Variants in GGNBP2 observed in about 807,000 individuals in gnomAD.
The protein encoded by GGNBP2 is gametogenetin binding protein 2, also known as gametogenetin-binding protein 2.
GGNBP2 carries 10 observed loss-of-function variants against 85.9 expected under a neutral mutation model. The ratio of observed to expected loss-of-function variants is 0.12; its 90% CI spans 0.07 to 0.20. The LOEUF (loss-of-function observed/expected upper bound fraction) is 0.20, where lower values mean the gene tolerates loss of function less well. GGNBP2 is among the 10% of genes least tolerant of loss of function. GGNBP2 has a pLI of 1.00. For synonymous variants in GGNBP2, 287 were observed against 285.7 expected, an observed-to-expected ratio of 1.00 and a Z score of -0.05; for missense variants, 595 against 857.8, an observed-to-expected ratio of 0.69 and a Z score of 3.83.
At chr17:36,562,502 G>A (rs2074427212) in intron 5 of GGNBP2, among the ~76,000 whole-genome samples, 1 of 150,078 alleles carries the variant, frequency 6.7e-6, no homozygotes, top group Admixed American at 6.7e-5. Flanking sequence ...TCTCATTTGT[G>A]TCATTGTCAC....
intron 12 of GGNBP2, chr17:36,586,700 C>T: frequency 3.1e-6 from 1 of 325,912 alleles, no homozygotes; most frequent in Non-Finnish European, 5.8e-6. Flanking sequence ...CTCACTGCAA[C>T]CTCTGCCTCC....
chr17:36,576,842 T>C (rs2074596556), intron 6 of GGNBP2: 1 of 151,920 alleles, frequency 6.6e-6, no homozygotes, highest in African/African-American at 2.4e-5. Flanking sequence ...TCTGAATGGC[T>C]GTGAATGGCA....
chr17:36,555,920 C>T lies in GGNBP2; in HGVS notation c.174+1020C>T, dbSNP rs181976130. Reference sequence around the variant, plus strand: ...GTTGGTTAAATTCACAGATGTAGAACCCATGGATATGGAGGGCTGACTGTA... The same window carrying T: ...GTTGGTTAAATTCACAGATGTAGAATCCATGGATATGGAGGGCTGACTGTA... On this transcript the variant is annotated intron_variant, in intron 3 of 13. Coordinates refer to ENST00000613102, the MANE Select transcript of GGNBP2 (RefSeq NM_024835.5). Among the ~76,000 whole-genome samples, 30 of 152,250 alleles carry T rather than the reference C, an allele frequency of 2.0e-4. 1 individual carries two copies. The highest frequency in any genetic ancestry group is 1.8e-3 in the Admixed American group (28 of 15,282).
rs769061074 is a variant in GGNBP2, at chr17:36,589,683, A to C, written c.*272A>C. On this transcript the variant is annotated 3_prime_UTR_variant, in exon 14 of 14. Coordinates refer to ENST00000613102, the MANE Select transcript of GGNBP2 (RefSeq NM_024835.5). ...CCTGTGAGACTTACTAAAGCAACTTAGTGGCAAAAAGTAATGTTGTACTTA... is the reference window on the plus strand; with the variant it reads ...CCTGTGAGACTTACTAAAGCAACTTCGTGGCAAAAAGTAATGTTGTACTTA... 23 of 459,902 alleles carry C rather than the reference A, an allele frequency of 5.0e-5. No homozygotes were observed. The highest frequency in any genetic ancestry group is 2.3e-4 in the Admixed American group (6 of 25,824). The allele number at this position is 459,902 out of a possible 1,614,324, so 28.5% of individuals were successfully genotyped here.
intron 6 of GGNBP2, chr17:36,574,850 G>A: frequency 1.4e-6 from 1 of 702,670 alleles, no homozygotes. Context: ...TCTGTGCACA[G>A]GGACAATAGA....
chr17:36,558,414 CAAAAAAAAAAAA>C (rs755597241), intron 4 of GGNBP2, among the ~76,000 whole-genome samples: 1 of 18,966 alleles, frequency 5.3e-5, no homozygotes, highest in Non-Finnish European at 9.8e-5. Flanking sequence ...AGCTCCATCT[CAAAAAAAAAAAA>C]AAAAAAAAAA....
intron 6 of GGNBP2, chr17:36,577,068 C>T (rs2074598651): frequency 6.6e-6 from 1 of 152,140 alleles, no homozygotes; most frequent in South Asian, 2.1e-4. Context: ...CATAGATGAG[C>T]TCATCTGGGA....
chr17:36,545,389 C>G (rs980000437), intron 1 of GGNBP2: 5 of 237,684 alleles, frequency 2.1e-5, no homozygotes, highest in Non-Finnish European at 2.8e-5. Context: ...CCTTTGGACC[C>G]TGACTGGAGG....
intron 3 of GGNBP2, among the ~76,000 whole-genome samples, chr17:36,556,365 CAT>C: frequency 6.6e-6 from 1 of 152,118 alleles, no homozygotes; most frequent in East Asian, 1.9e-4. Context: ...TGTAGCTAAA[CAT>C]AGTGATAGTA....
At chr17:36,565,284 T>A (rs2074456894) in intron 5 of GGNBP2, among the ~76,000 whole-genome samples, 1 of 152,170 alleles carries the variant, frequency 6.6e-6, no homozygotes, top group South Asian at 2.1e-4. Context: ...GAATGCAATG[T>A]AAGGTTGTCA....
At chr17:36,586,354 G>A in intron 12 of GGNBP2, 156 bp downstream of exon 12, 1 of 830,732 alleles carries the variant, frequency 1.2e-6, no homozygotes, top group Non-Finnish European at 1.8e-6. Flanking sequence ...GTGTGAGAGT[G>A]TGGGTTGGGG....
At chr17:36,581,820 A>T (rs979008228) in intron 9 of GGNBP2, 6 of 230,268 alleles carry the variant, frequency 2.6e-5, no homozygotes, top group African/African-American at 1.1e-4. Flanking sequence ...AAATCTGCAG[A>T]TGTGCAAGTC....
chr17:36,589,108 A>T, intron 13 of GGNBP2, 100 bp from the exon 14 acceptor site: 1 of 781,786 alleles, frequency 1.3e-6, no homozygotes, highest in Non-Finnish European at 2.1e-6. Context: ...ACTGATGTGA[A>T]ACTAAAAAGT....
intron 13 of GGNBP2, among the ~76,000 whole-genome samples, chr17:36,588,640 G>GGC (rs2074727986): frequency 6.6e-6 from 1 of 150,482 alleles, no homozygotes; most frequent in Non-Finnish European, 1.5e-5. Flanking sequence ...CTGTCGCCCA[G>GGC]GCTAGATAGA....
chr17:36,588,326 C>T (rs546416424), intron 13 of GGNBP2, among the ~76,000 whole-genome samples: 32 of 152,026 alleles, frequency 2.1e-4, no homozygotes, highest in African/African-American at 7.0e-4. Flanking sequence ...GGTGCGATCT[C>T]GGCTAATCGC....
rs1437319543 is a variant in GGNBP2 at position 36,587,172 on chromosome 17, A to T, written c.1817A>T (p.Gln606Leu). ...TTTGAGCATAGGAAAAATGTACCAC[A>T]GTTTGCAGAACCTACAGAAACGTTG... ...PWFEHRKNVP[Q>L]FAEPTETLFG... The change falls in exon 13 of 14, where the codon CAG (glutamine) becomes CTG (leucine). Residue 606 changes from glutamine (Q) to leucine (L), a missense_variant. This residue lies in a region of GGNBP2 where 120 missense variants were observed against 126.3 expected (regional missense o/e 0.95). Transcript: ENST00000613102. The T allele has an allele frequency of 6.2e-7, 1 of 1,614,166 alleles. No individual in the cohort carries two copies.
chr17:36,558,602 C>T (rs996578160), intron 4 of GGNBP2, among the ~76,000 whole-genome samples: 1 of 151,180 alleles, frequency 6.6e-6, no homozygotes, highest in Non-Finnish European at 1.5e-5. Context: ...ATTACAGGTG[C>T]CCACTACCAC....
intron 6 of GGNBP2, among the ~76,000 whole-genome samples, chr17:36,569,398 G>T (rs910579608): frequency 6.6e-6 from 1 of 152,078 alleles, no homozygotes. Flanking sequence ...GCAAGACTCC[G>T]TCTCAAAAAA....
At chr17:36,549,253 A>T (rs2074285976) in intron 2 of GGNBP2, among the ~76,000 whole-genome samples, 1 of 151,994 alleles carries the variant, frequency 6.6e-6, no homozygotes, top group Non-Finnish European at 1.5e-5. Flanking sequence ...CCCAGGCTGG[A>T]GTACAGTGGC....
Sources: gnomAD v4.1 joint callset for allele counts (sites outside exome capture counted in the v4.1 genomes callset) on GRCh38, gnomAD v4.1.1 for gene constraint, gnomAD v4.1.1 regional missense constraint, MANE v1.5 for transcripts, NCBI Gene and HGNC (gene_info 2026-07-23, HGNC 2026-07-21) for gene names.